CPEB4: variants seen among roughly 807,000 people sequenced by gnomAD.
CPEB4 encodes cytoplasmic polyadenylation element-binding protein 4.
A neutral mutation model predicts 72.5 loss-of-function variants in CPEB4; 12 were observed. The observed-to-expected ratio is 0.17, with a 90% CI of 0.11 to 0.27. CPEB4 has a LOEUF of 0.27. Ranked by LOEUF, CPEB4 falls within the 10% of genes least tolerant of loss-of-function variation. The pLI is 1.00. For synonymous variants in CPEB4, 302 were observed against 326.3 expected, an observed-to-expected ratio of 0.93 and a Z score of 0.80; for missense variants, 614 against 908.5, an observed-to-expected ratio of 0.68 and a Z score of 4.17.
chr5:173,917,304 T>A (rs1756902644), intron 2 of CPEB4, among the ~76,000 whole-genome samples: 1 of 152,262 alleles, frequency 6.6e-6, no homozygotes, highest in Admixed American at 6.5e-5. Flanking sequence ...ATTTAACCTT[T>A]TTCTATTTAA....
intron 1 of CPEB4, among the ~76,000 whole-genome samples, chr5:173,906,010 G>A (rs1344580823): frequency 1.3e-5 from 2 of 152,158 alleles, no homozygotes; most frequent in African/African-American, 4.8e-5. Flanking sequence ...TTATGCTAAT[G>A]TTCATGTTTT....
At chr5:173,941,905 G>A (rs1354141968) in intron 3 of CPEB4, among the ~76,000 whole-genome samples, 1 of 152,130 alleles carries the variant, frequency 6.6e-6, no homozygotes, top group Admixed American at 6.5e-5. Flanking sequence ...GTTTACTGTT[G>A]AAACCTCATC....
chr5:173,953,136 A>G lies in CPEB4; in HGVS notation c.1826A>G (p.Tyr609Cys). 2 of 1,613,916 alleles carry G rather than the reference A, an allele frequency of 1.2e-6. No homozygotes were observed. Among genetic ancestry groups the G allele is most frequent in the Non-Finnish European group, 1.7e-6 (2 of 1,179,850 alleles). ...GATCGGCTATATGGAGGTGTGTGCTACGCTGGGATTGATACCGACCCTGAG... is the reference window on the plus strand; with the variant it reads ...GATCGGCTATATGGAGGTGTGTGCTGCGCTGGGATTGATACCGACCCTGAG... ...IMDRLYGGVC[Y>C]AGIDTDPELK... is the part of the protein sequence containing the mutation. The change falls in exon 9 of 10, where the codon TAC (tyrosine) becomes TGC (cysteine). Residue 609 changes from tyrosine (Y) to cysteine (C), a missense_variant. Physicochemically the swap from Tyr to Cys is radical, Grantham distance 194. This residue lies in a region of CPEB4 where 101 missense variants were observed against 243.1 expected (regional missense o/e 0.42). Coordinates refer to ENST00000265085, the MANE Select transcript of CPEB4 (RefSeq NM_030627.4).
chr5:173,929,081 A>T lies in CPEB4; in HGVS notation c.1208-3369A>T, dbSNP rs984942939. On this transcript the variant is annotated intron_variant, in intron 2 of 9. Coordinates refer to ENST00000265085, the MANE Select transcript of CPEB4 (RefSeq NM_030627.4). ...AATTAAAAACAAGTATCACTTTCAG[A>T]GTTCAACTGTGAACTTTGCCAGTGA... 3.9e-5 allele frequency among the ~76,000 whole-genome samples: 6 copies of T among 152,218 alleles called. No individual in the cohort carries two copies. The East Asian group carries it at 1.2e-3, about 29-fold the overall frequency.
chr5:173,938,757 G>A lies in CPEB4; in HGVS notation c.1259-4269G>A, dbSNP rs78633393. On this transcript the variant is annotated intron_variant, in intron 3 of 9. Transcript: ENST00000265085. ...GTCCTATTCGTGACAGAATTGATTA[G>A]GTGCTGTCATGTAGGAAAGTATGCT... 6.5e-3 allele frequency among the ~76,000 whole-genome samples: 983 copies of A among 152,208 alleles called. 8 individuals are homozygous for A. The highest frequency in any genetic ancestry group is 0.023 in the African/African-American group (952 of 41,532).
At chr5:173,910,905 A>T (rs919993484) in intron 2 of CPEB4, 2 of 253,306 alleles carry the variant, frequency 7.9e-6, no homozygotes, top group East Asian at 1.7e-4. Context: ...CTCAGGCAAT[A>T]ACTTCTCAGT....
intron 2 of CPEB4, among the ~76,000 whole-genome samples, chr5:173,912,967 G>A (rs1756719880): frequency 6.7e-6 from 1 of 149,284 alleles, no homozygotes. Flanking sequence ...AAGAACATTT[G>A]TATATTCTTA....
intron 1 of CPEB4, among the ~76,000 whole-genome samples, chr5:173,902,064 T>A (rs975351347): frequency 1.3e-5 from 2 of 152,216 alleles, no homozygotes; most frequent in Admixed American, 1.3e-4. Flanking sequence ...ATCTGTGAAT[T>A]TACATATTAT....
At chr5:173,920,585 C>A (rs897569838) in intron 2 of CPEB4, among the ~76,000 whole-genome samples, 2 of 152,172 alleles carry the variant, frequency 1.3e-5, no homozygotes, top group African/African-American at 4.8e-5. Context: ...GGGTTGTGTT[C>A]AAACCTGGTT....
chr5:173,934,421 G>C (rs1027558359), intron 3 of CPEB4, among the ~76,000 whole-genome samples: 3 of 152,122 alleles, frequency 2.0e-5, no homozygotes, highest in Non-Finnish European at 4.4e-5. Flanking sequence ...ATACTGACTT[G>C]GGTTAACATT....
chr5:173,893,945 T>G (rs1755908036), intron 1 of CPEB4, among the ~76,000 whole-genome samples: 1 of 152,216 alleles, frequency 6.6e-6, no homozygotes, highest in African/African-American at 2.4e-5. Flanking sequence ...TTGCTTAGCT[T>G]AAAGCTTCAT....
intron 1 of CPEB4, among the ~76,000 whole-genome samples, chr5:173,898,739 C>T (rs757426232): frequency 5.9e-5 from 9 of 152,144 alleles, no homozygotes; most frequent in South Asian, 2.1e-4. Context: ...TGCAGTAGCG[C>T]GATCTTGGTT....
chr5:173,888,443 C>A lies in CPEB4; in HGVS notation c.-1291C>A. 2.2e-6 allele frequency: 1 copy of A among 455,430 alleles called. No homozygotes were observed. Among genetic ancestry groups the A allele is most frequent in the Non-Finnish European group, 3.8e-6 (1 of 264,368 alleles). 28.2% of individuals were successfully genotyped at this position (455,430 alleles called of 1,614,324 possible). A position where few individuals can be genotyped will look rare whatever the true frequency, so the allele number is the denominator to read the frequency against. Reference sequence around the variant, plus strand: ...GCGGCGGCGGCGGCAGCAGCGGCGACAGCAGAGGAGGAAGAGGAGGAAGAA... The same window carrying A: ...GCGGCGGCGGCGGCAGCAGCGGCGAAAGCAGAGGAGGAAGAGGAGGAAGAA... On this transcript the variant is annotated 5_prime_UTR_variant, in exon 1 of 10. Coordinates refer to ENST00000265085, the MANE Select transcript of CPEB4 (RefSeq NM_030627.4). This position sits in a 1 kb window ranked among gnomAD's most constrained non-coding sequence, Gnocchi z 4.3.
intron 2 of CPEB4, among the ~76,000 whole-genome samples, chr5:173,917,932 C>T (rs1033237612): frequency 6.6e-6 from 1 of 152,184 alleles, no homozygotes; most frequent in Admixed American, 6.5e-5. Context: ...CCTTCCTGAA[C>T]TAGGCTGGCT....
At chr5:173,927,460 A>G (rs972964288) in intron 2 of CPEB4, among the ~76,000 whole-genome samples, 1 of 152,168 alleles carries the variant, frequency 6.6e-6, no homozygotes, top group African/African-American at 2.4e-5. Context: ...TGTAGCTACA[A>G]ATAAAATTTG....
chr5:173,936,373 A>G (rs947306524), intron 3 of CPEB4, among the ~76,000 whole-genome samples: 3 of 152,238 alleles, frequency 2.0e-5, no homozygotes, highest in African/African-American at 7.2e-5. Context: ...GACACCAGTC[A>G]TATTGGATTA....
intron 3 of CPEB4, among the ~76,000 whole-genome samples, chr5:173,939,186 TTTTC>T (rs1757736173): frequency 6.6e-6 from 1 of 152,086 alleles, no homozygotes; most frequent in South Asian, 2.1e-4. Flanking sequence ...TCTATTTATA[TTTTC>T]TTTATTTTTA....
rs144819915 is a variant in CPEB4 at position 173,919,998 on chromosome 5, A to C, written c.1207+9394A>C. Among the ~76,000 whole-genome samples the C allele has an allele frequency of 8.4e-4, 128 of 152,340 alleles. 1 individual carries two copies. The highest frequency in any genetic ancestry group is 3.0e-3 in the African/African-American group (124 of 41,566). On this transcript the variant is annotated intron_variant, in intron 2 of 9. Coordinates refer to ENST00000265085, the MANE Select transcript of CPEB4 (RefSeq NM_030627.4). The stretch of plus-strand genomic sequence containing the variant: ...CTTGCTTAGCCCTGTACAATTAGCC[A>C]TACAATTTGTAAAAGGAATACTTTT...
chr5:173,905,793 G>T (rs550086093), intron 1 of CPEB4, among the ~76,000 whole-genome samples: 48 of 152,250 alleles, frequency 3.2e-4, no homozygotes, highest in Non-Finnish European at 6.2e-4. Flanking sequence ...AATTTAAACT[G>T]TAAATCTTGA....
Sources: gnomAD v4.1 joint callset for allele counts (sites outside exome capture counted in the v4.1 genomes callset) on GRCh38, gnomAD v4.1.1 for gene constraint, gnomAD v4.1.1 regional missense constraint, Gnocchi (gnomAD v3.1) non-coding constraint, MANE v1.5 for transcripts, NCBI Gene and HGNC (gene_info 2026-07-23, HGNC 2026-07-21) for gene names.